The following KCNIP4 variants were observed in gnomAD, a reference collection of about 807,000 sequenced individuals.
The protein encoded by KCNIP4 is Kv channel-interacting protein 4.
Under a neutral mutation model 34.0 loss-of-function variants are expected in KCNIP4, and 12 were observed. That is an observed-to-expected ratio of 0.35 (90% CI 0.23 to 0.57). The LOEUF (loss-of-function observed/expected upper bound fraction) is 0.57. Ranked by LOEUF, KCNIP4 falls within the 20% of genes least tolerant of loss-of-function variation. KCNIP4 has a pLI of 0.83. For missense variants in KCNIP4, 238 were observed against 311.7 expected (o/e 0.76, Z 1.78); for synonymous variants, 124 against 102.2 (o/e 1.21, Z -1.29).
intron 1 of KCNIP4, among the ~76,000 whole-genome samples, chr4:21,853,941 C>G (rs1724586732): frequency 6.6e-6 from 1 of 152,164 alleles, no homozygotes; most frequent in East Asian, 1.9e-4. Context: ...AAGTGCTGCT[C>G]TGTGCAAGGC....
chr4:21,436,543 A>C (rs1311016666), intron 1 of KCNIP4, among the ~76,000 whole-genome samples: 1 of 152,188 alleles, frequency 6.6e-6, no homozygotes, highest in Admixed American at 6.5e-5. Context: ...CCACATCTCC[A>C]TTCAGGTAAA....
intron 1 of KCNIP4, among the ~76,000 whole-genome samples, chr4:21,278,666 A>G (rs1399959780): frequency 6.6e-6 from 1 of 152,196 alleles, no homozygotes; most frequent in African/African-American, 2.4e-5. Flanking sequence ...TGCAGCAAAG[A>G]GAGTTCTAAG....
rs930203590 is a variant in KCNIP4, at chr4:21,108,762, A to T, written c.62-226053T>A. ...TTTTGGTCTTTGATGATGGTGATGT[A>T]CAGATGGGTTTTTGGTGTGGATGTC... On this transcript the variant is annotated intron_variant, in intron 1 of 8. Transcript: ENST00000382152. Among the ~76,000 whole-genome samples, 5 of 151,952 alleles carry T rather than the reference A, an allele frequency of 3.3e-5. No individual in the cohort carries two copies. The South Asian group carries it at 1.0e-3, about 31-fold the overall frequency.
At chr4:21,052,077 T>A (rs1361921029) in intron 1 of KCNIP4, among the ~76,000 whole-genome samples, 1 of 152,180 alleles carries the variant, frequency 6.6e-6, no homozygotes, top group Non-Finnish European at 1.5e-5. Flanking sequence ...TGCAATATTG[T>A]TTTTTCTAAC....
intron 1 of KCNIP4, among the ~76,000 whole-genome samples, chr4:21,621,675 G>C (rs1745007741): frequency 6.6e-6 from 1 of 151,936 alleles, no homozygotes. Context: ...TTTTTTAATA[G>C]ACAAAAAGGC....
intron 1 of KCNIP4, among the ~76,000 whole-genome samples, chr4:21,471,043 C>A (rs1730427386): frequency 6.6e-6 from 1 of 151,992 alleles, no homozygotes; most frequent in African/African-American, 2.4e-5. Context: ...TCCAGGCTCA[C>A]AAAATAGGCA....
intron 1 of KCNIP4, among the ~76,000 whole-genome samples, chr4:21,165,698 A>T (rs1753581912): frequency 6.6e-6 from 1 of 152,216 alleles, no homozygotes; most frequent in South Asian, 2.1e-4. Flanking sequence ...ACTCCATTAA[A>T]TTTGAAAATT....
At chr4:21,944,654 T>C (rs1024111923) in intron 1 of KCNIP4, among the ~76,000 whole-genome samples, 1 of 151,934 alleles carries the variant, frequency 6.6e-6, no homozygotes, top group Non-Finnish European at 1.5e-5. Context: ...TCAATATCTG[T>C]TGTTGAGCAA....
intron 1 of KCNIP4, among the ~76,000 whole-genome samples, chr4:21,733,278 T>C (rs2109115386): frequency 6.6e-6 from 1 of 152,336 alleles, no homozygotes; most frequent in South Asian, 2.1e-4. Context: ...ACATGACTGA[T>C]ACACACAGTG....
intron 1 of KCNIP4, among the ~76,000 whole-genome samples, chr4:21,291,404 A>T (rs1578029335): frequency 7.8e-6 from 1 of 128,786 alleles, no homozygotes; most frequent in East Asian, 2.8e-4. Context: ...AAAATTATAA[A>T]CCTCACTGAT....
chr4:21,589,203 T>C (rs1241125698), intron 1 of KCNIP4, among the ~76,000 whole-genome samples: 2 of 9,270 alleles, frequency 2.2e-4, no homozygotes, highest in East Asian at 5.7e-3. Context: ...TATATATATG[T>C]GTACATATAT....
chr4:21,089,964 G>A (rs1219273886), intron 1 of KCNIP4, among the ~76,000 whole-genome samples: 2 of 152,116 alleles, frequency 1.3e-5, no homozygotes, highest in Non-Finnish European at 2.9e-5. Context: ...AAATATGCCA[G>A]CTTCTTTCCT....
intron 3 of KCNIP4, among the ~76,000 whole-genome samples, chr4:20,838,856 T>C (rs1336787574): frequency 6.6e-6 from 1 of 152,232 alleles, no homozygotes; most frequent in African/African-American, 2.4e-5. Flanking sequence ...TTGAAGTCTT[T>C]AGAAAGACTT....
At chr4:21,537,740 G>A (rs376001296) in intron 1 of KCNIP4, among the ~76,000 whole-genome samples, 10 of 152,002 alleles carry the variant, frequency 6.6e-5, no homozygotes, top group Admixed American at 2.0e-4. Context: ...TTGACCTGGC[G>A]CAGTAGCTCA....
intron 1 of KCNIP4, among the ~76,000 whole-genome samples, chr4:20,996,300 G>C (rs191468967): frequency 1.3e-5 from 2 of 152,274 alleles, no homozygotes; most frequent in Admixed American, 1.3e-4. Context: ...CCAGATTAAA[G>C]AGCATATCTT....
rs148744971 is a variant in KCNIP4, at chr4:21,015,379, C to T, written c.62-132670G>A. Among the ~76,000 whole-genome samples the T allele has an allele frequency of 9.6e-3, 1,392 of 144,962 alleles. 18 individuals are homozygous for T. The highest frequency in any genetic ancestry group is 0.032 in the African/African-American group (1,273 of 39,702). On this transcript the variant is annotated intron_variant, in intron 1 of 8. Coordinates refer to ENST00000382152, the MANE Select transcript of KCNIP4 (RefSeq NM_025221.6). ...ACTCTATTTTTTTCTTCTCACAATT[C>T]CTTATAACTAATATTGGTTATATAT...
chr4:21,209,597 C>CTCTA (rs547084193), intron 1 of KCNIP4, among the ~76,000 whole-genome samples: 3,449 of 151,984 alleles, frequency 0.023, 126 homozygotes, highest in African/African-American at 0.077. Context: ...TAGGTCATAT[C>CTCTA]TCTATCTATC....
At chr4:21,904,767 T>C (rs1487461755) in intron 1 of KCNIP4, among the ~76,000 whole-genome samples, 2 of 152,164 alleles carry the variant, frequency 1.3e-5, no homozygotes, top group Admixed American at 1.3e-4. Flanking sequence ...GACAATTCTA[T>C]GATATTTAGC....
intron 1 of KCNIP4, among the ~76,000 whole-genome samples, chr4:21,229,447 T>C (rs2109017646): frequency 6.6e-6 from 1 of 152,298 alleles, no homozygotes; most frequent in Non-Finnish European, 1.5e-5. Context: ...TTACTCTCTG[T>C]AAGTGTCTCA....
Sources: allele counts gnomAD v4.1 joint callset (sites outside exome capture counted in the v4.1 genomes callset), GRCh38; gene constraint gnomAD v4.1.1; transcripts MANE v1.5; gene names NCBI Gene and HGNC (gene_info 2026-07-23, HGNC 2026-07-21).